Variants in SNRPF observed in about 807,000 individuals in gnomAD.
SNRPF encodes small nuclear ribonucleoprotein polypeptide F.
A neutral mutation model predicts 13.4 loss-of-function variants in SNRPF; 1 was observed. The ratio of observed to expected loss-of-function variants is 0.07; its 90% confidence interval spans 0.03 to 0.35. SNRPF has a LOEUF of 0.35. Ranked by LOEUF, SNRPF falls within the 10% of genes least tolerant of loss-of-function variation. The probability of loss-of-function intolerance (pLI) is 0.99; values close to 1 mark genes in which losing one functional copy is unlikely to be tolerated. For synonymous variants in SNRPF, 27 were observed against 32.1 expected (o/e 0.84, Z 0.54); for missense variants, 53 against 101.0 (o/e 0.52, Z 2.04).
chr12:95,860,589 G>A (rs936916154), intron 1 of SNRPF, among the ~76,000 whole-genome samples: 1 of 152,084 alleles, frequency 6.6e-6, no homozygotes, highest in Admixed American at 6.6e-5. Flanking sequence ...ACAAGGTCTT[G>A]CTCTGTTGCC....
intron 2 of SNRPF, among the ~76,000 whole-genome samples, chr12:95,863,659 A>G (rs1361603766): frequency 6.6e-6 from 1 of 152,238 alleles, no homozygotes; most frequent in Non-Finnish European, 1.5e-5. Context: ...ATATAATGTG[A>G]TAATAGGCAT....
In SNRPF at chr12:95,865,408, T is replaced by C; in HGVS notation, c.194+20T>C. On this transcript the variant is annotated intron_variant, in intron 3 of 3. Transcript: ENST00000266735. ...AATAAGGTAACAAACAGCAGTAGTA[T>C]ATGTAAGGAGTTACTGGTGAGCATT... is the stretch of plus-strand genomic sequence containing the variant. The C allele has an allele frequency of 8.0e-7, 1 of 1,243,756 alleles. No homozygotes were observed. The highest frequency in any genetic ancestry group is 1.2e-6 in the Non-Finnish European group (1 of 846,454). 77.0% of individuals were successfully genotyped at this position (1,243,756 alleles called of 1,614,324 possible).
intron 2 of SNRPF, among the ~76,000 whole-genome samples, chr12:95,864,141 A>T (rs1210628815): frequency 6.6e-6 from 1 of 152,210 alleles, no homozygotes; most frequent in East Asian, 1.9e-4. Context: ...GATAATGGAG[A>T]TTACTTTTTG....
intron 2 of SNRPF, 126 bp from the exon 3 acceptor site, chr12:95,865,198 A>G (rs894671647): frequency 1.1e-5 from 5 of 448,516 alleles, no homozygotes; most frequent in Non-Finnish European, 2.0e-5. Flanking sequence ...CTGTTTATTA[A>G]TTATAGATAA....
rs553189002 is a variant in SNRPF, at chr12:95,865,703, C to A, written c.195-302C>A. On this transcript the variant is annotated intron_variant, in intron 3 of 3. Transcript: ENST00000266735. ...ACTTAGTTTTGAATTTTAGTTGGGT[C>A]TGGCTGTTTTGTTATATTGATTTTC... 2.6e-5 allele frequency among the ~76,000 whole-genome samples: 4 copies of A among 152,060 alleles called. No homozygotes were observed. In the East Asian group the frequency reaches 7.7e-4, roughly 29 times the overall value.
At chr12:95,863,860 G>A (rs55980325) in intron 2 of SNRPF, among the ~76,000 whole-genome samples, 19,918 of 152,214 alleles carry the variant, frequency 0.13, 1,775 homozygotes, top group Non-Finnish European at 0.19. Flanking sequence ...TGCTTGGTGT[G>A]TTCAAGGCAC....
chr12:95,863,915 AAGTT>A (rs2079508754), intron 2 of SNRPF, among the ~76,000 whole-genome samples: 1 of 152,174 alleles, frequency 6.6e-6, no homozygotes, highest in East Asian at 1.9e-4. Context: ...GAATGACAGA[AAGTT>A]AGGTTAAAAT....
chr12:95,861,366 T>A, intron 2 of SNRPF, 73 bp downstream of exon 2: 1 of 1,395,650 alleles, frequency 7.2e-7, no homozygotes, highest in Non-Finnish European at 9.9e-7. Context: ...AGGTTTAGTC[T>A]GACTAATAAG....
intron 2 of SNRPF, among the ~76,000 whole-genome samples, chr12:95,863,253 A>G (rs1185493355): frequency 6.6e-6 from 1 of 152,224 alleles, no homozygotes; most frequent in East Asian, 1.9e-4. Flanking sequence ...TACCAAGACC[A>G]TAGAAAAATC....
At chr12:95,863,668 A>T (rs944269541) in intron 2 of SNRPF, among the ~76,000 whole-genome samples, 9 of 152,254 alleles carry the variant, frequency 5.9e-5, no homozygotes, top group African/African-American at 1.7e-4. Flanking sequence ...GATAATAGGC[A>T]TGATAGATGC....
intron 1 of SNRPF, among the ~76,000 whole-genome samples, chr12:95,859,363 C>T (rs142239856): frequency 4.6e-5 from 7 of 152,270 alleles, no homozygotes; most frequent in Admixed American, 1.3e-4. Context: ...AGAGAATTTG[C>T]ACTTCCCACT....
intron 2 of SNRPF, among the ~76,000 whole-genome samples, chr12:95,862,337 T>A (rs926623038): frequency 2.2e-4 from 34 of 152,358 alleles, no homozygotes; most frequent in African/African-American, 6.7e-4. Context: ...GGTATACGAA[T>A]GTCTGTTCCA....
intron 1 of SNRPF, 44 bp from the exon 2 acceptor site, chr12:95,861,124 G>A (rs771239306): frequency 5.4e-5 from 84 of 1,564,928 alleles, no homozygotes; most frequent in East Asian, 2.6e-4. Flanking sequence ...GTTGGTGGTG[G>A]GAGGAAAAAT....
intron 2 of SNRPF, among the ~76,000 whole-genome samples, chr12:95,863,146 G>A (rs2079503958): frequency 6.6e-6 from 1 of 152,120 alleles, no homozygotes; most frequent in South Asian, 2.1e-4. Context: ...AGAGAGCTAT[G>A]ATTTTCCTTA....
chr12:95,864,333 C>T (rs776291050), intron 2 of SNRPF, among the ~76,000 whole-genome samples: 1 of 152,082 alleles, frequency 6.6e-6, no homozygotes, highest in Non-Finnish European at 1.5e-5. Flanking sequence ...TCTCTGAGTC[C>T]CAAGTGGCAT....
chr12:95,865,466 A>G (rs1175868628), intron 3 of SNRPF, 78 bp downstream of exon 3: 1 of 622,404 alleles, frequency 1.6e-6, no homozygotes, highest in African/African-American at 1.9e-5. Flanking sequence ...TTAGTGCCTC[A>G]ATTTTGGAAT....
intron 1 of SNRPF, among the ~76,000 whole-genome samples, chr12:95,860,239 C>G (rs4762632): frequency 0.35 from 53,397 of 152,078 alleles, 9,851 homozygotes; most frequent in South Asian, 0.47. Flanking sequence ...CTGCTTCCTT[C>G]TGTAGTTTTA....
intron 2 of SNRPF, 152 bp downstream of exon 2, chr12:95,861,445 T>C: frequency 1.8e-6 from 1 of 561,380 alleles, no homozygotes; most frequent in Non-Finnish European, 3.0e-6. Context: ...GGAGGGATAC[T>C]GTGATATACT....
At chr12:95,864,514 T>A (rs1468596965) in intron 2 of SNRPF, among the ~76,000 whole-genome samples, 2 of 152,264 alleles carry the variant, frequency 1.3e-5, no homozygotes, top group Non-Finnish European at 2.9e-5. Flanking sequence ...CACACTACTT[T>A]GCTGTAGTTC....
Sources: allele counts gnomAD v4.1 joint callset (sites outside exome capture counted in the v4.1 genomes callset), GRCh38; gene constraint gnomAD v4.1.1; transcripts MANE v1.5; gene names NCBI Gene and HGNC (gene_info 2026-07-23, HGNC 2026-07-21).